The following ROBO2 variants were observed in gnomAD, a reference collection of about 807,000 sequenced individuals.
ROBO2 encodes the protein roundabout homolog 2.
ROBO2 carries 53 observed loss-of-function variants against 160.8 expected under a neutral mutation model. The ratio of observed to expected loss-of-function variants is 0.33; its 90% CI spans 0.26 to 0.41. The LOEUF (loss-of-function observed/expected upper bound fraction) is 0.41. Among genes scored for constraint, ROBO2 ranks in the 10% least tolerant of loss-of-function variants. ROBO2 has a pLI of 1.00. For synonymous variants in ROBO2, 664 were observed against 611.7 expected (o/e 1.09, Z -1.26); for missense variants, 1,577 against 1,722.4 (o/e 0.92, Z 1.49).
At chr3:76,278,039 C>A (rs927167550) in intron 2 of ROBO2, among the ~76,000 whole-genome samples, 4 of 151,524 alleles carry the variant, frequency 2.6e-5, no homozygotes, top group African/African-American at 4.8e-5. Flanking sequence ...AATAGCTCAC[C>A]TTAATTGTCA....
intron 2 of ROBO2, among the ~76,000 whole-genome samples, chr3:77,357,264 A>G (rs1250760711): frequency 6.6e-6 from 1 of 152,154 alleles, no homozygotes; most frequent in African/African-American, 2.4e-5. Flanking sequence ...TTTCTCTAGC[A>G]AAAGACTCTG....
At chr3:75,943,693 G>T (rs1286176915) in intron 2 of ROBO2, among the ~76,000 whole-genome samples, 1 of 151,834 alleles carries the variant, frequency 6.6e-6, no homozygotes, top group Admixed American at 6.6e-5. Context: ...TTCTTTTTTT[G>T]TTTGTTTGTT....
At chr3:77,577,661 A>G (rs2093804696) in intron 15 of ROBO2, 47 bp downstream of exon 16, 11 of 1,608,014 alleles carry the variant, frequency 6.8e-6, no homozygotes, top group Non-Finnish European at 8.5e-6. Context: ...AGGTTCCCAG[A>G]GAAATCTCAG....
intron 2 of ROBO2, among the ~76,000 whole-genome samples, chr3:75,975,400 TA>T (rs1480384056): frequency 6.6e-6 from 1 of 151,426 alleles, no homozygotes; most frequent in East Asian, 1.9e-4. Context: ...GTCTACGCTT[TA>T]TTTATATGTA....
At chr3:77,527,705 A>G (rs887703635) in intron 6 of ROBO2, among the ~76,000 whole-genome samples, 11 of 151,514 alleles carry the variant, frequency 7.3e-5, no homozygotes, top group African/African-American at 2.4e-4. Context: ...AATATATTGT[A>G]TTAGGATACA....
At chr3:76,748,398 A>G (rs2093927355) in intron 2 of ROBO2, among the ~76,000 whole-genome samples, 1 of 151,736 alleles carries the variant, frequency 6.6e-6, no homozygotes, top group Admixed American at 6.6e-5. Flanking sequence ...AAAAATCACA[A>G]AAAATATGAA....
At chr3:77,041,283 G>C (rs1432381621) in intron 1 of ROBO2, among the ~76,000 whole-genome samples, 1 of 152,210 alleles carries the variant, frequency 6.6e-6, no homozygotes, top group Admixed American at 6.5e-5. Flanking sequence ...CAGTGGGTTA[G>C]GAATTTGAGA....
At chr3:76,967,370 T>G (rs1220657592) in intron 2 of ROBO2, among the ~76,000 whole-genome samples, 1 of 151,920 alleles carries the variant, frequency 6.6e-6, no homozygotes, top group Non-Finnish European at 1.5e-5. Flanking sequence ...CACGCCCAGC[T>G]AATTTTTGTA....
intron 2 of ROBO2, among the ~76,000 whole-genome samples, chr3:76,696,225 A>G (rs1576041778): frequency 2.0e-5 from 3 of 152,186 alleles, no homozygotes; most frequent in South Asian, 4.1e-4. Flanking sequence ...TAGCCTCCCC[A>G]GATTTGTAAT....
intron 2 of ROBO2, among the ~76,000 whole-genome samples, chr3:76,686,649 A>G (rs1016052967): frequency 1.3e-5 from 2 of 152,088 alleles, no homozygotes; most frequent in Non-Finnish European, 2.9e-5. Flanking sequence ...AGAAACAGAA[A>G]CATTCCCATG....
chr3:76,820,230 C>A (rs1339254370), intron 2 of ROBO2, among the ~76,000 whole-genome samples: 2 of 152,090 alleles, frequency 1.3e-5, no homozygotes, highest in African/African-American at 2.4e-5. Context: ...ATCACTCACC[C>A]TTTCTTTTAT....
intron 2 of ROBO2, among the ~76,000 whole-genome samples, chr3:76,564,557 A>T (rs921620485): frequency 4.6e-5 from 7 of 152,202 alleles, no homozygotes; most frequent in Non-Finnish European, 1.0e-4. Context: ...TATGTGGTCC[A>T]CATGTCAGTC....
chr3:76,447,099 C>G (rs974660312), intron 2 of ROBO2, among the ~76,000 whole-genome samples: 131 of 152,268 alleles, frequency 8.6e-4, no homozygotes, highest in African/African-American at 2.9e-3. Flanking sequence ...TCAGAGTGAA[C>G]AGGCAGCCTA....
intron 2 of ROBO2, among the ~76,000 whole-genome samples, chr3:77,472,632 A>C (rs1164795929): frequency 6.6e-6 from 1 of 152,008 alleles, no homozygotes; most frequent in Non-Finnish European, 1.5e-5. Context: ...ACCTCACCCC[A>C]TGGAGATTTG....
chr3:76,817,150 C>T lies in ROBO2; in HGVS notation c.110-280864C>T, dbSNP rs2065742805. 2.0e-5 allele frequency among the ~76,000 whole-genome samples: 3 copies of T among 152,006 alleles called. No homozygotes were observed. In the South Asian group the frequency reaches 6.2e-4, roughly 32 times the overall value. ...TGATGGGTGCAGCAAACCACCACGG[C>T]ACATGTATACCTGTGTAGCAAACCT... On this transcript the variant is annotated intron_variant, in intron 2 of 26. Coordinates refer to the ROBO2 transcript ENST00000487694.
chr3:76,174,983 TC>T (rs1354891961), intron 2 of ROBO2, among the ~76,000 whole-genome samples: 2 of 152,298 alleles, frequency 1.3e-5, no homozygotes, highest in Non-Finnish European at 2.9e-5. Context: ...TATTGATTCT[TC>T]CTATCCATGA....
At chr3:77,033,375 A>C (rs1254006899) in intron 2 of ROBO2, among the ~76,000 whole-genome samples, 1 of 152,202 alleles carries the variant, frequency 6.6e-6, no homozygotes, top group Non-Finnish European at 1.5e-5. Context: ...AAATCTTTAA[A>C]ATAAAACAGG....
chr3:76,010,906 A>G (rs1163272501), intron 2 of ROBO2, among the ~76,000 whole-genome samples: 1 of 152,208 alleles, frequency 6.6e-6, no homozygotes, highest in African/African-American at 2.4e-5. Context: ...TAGAACTCAC[A>G]TATTTAGTAC....
chr3:77,050,170 G>A (rs2065074620), intron 1 of ROBO2, among the ~76,000 whole-genome samples: 2 of 152,192 alleles, frequency 1.3e-5, no homozygotes, highest in South Asian at 2.1e-4. Context: ...AGGCACTCTT[G>A]TATTTTATAT....
Sources: allele counts gnomAD v4.1 joint callset (sites outside exome capture counted in the v4.1 genomes callset), GRCh38; gene constraint gnomAD v4.1.1; transcripts MANE v1.5; gene names NCBI Gene and HGNC (gene_info 2026-07-23, HGNC 2026-07-21).